Variants in GRID2 observed in about 807,000 individuals in gnomAD.
GRID2 encodes glutamate receptor ionotropic, delta-2.
GRID2 carries 33 observed loss-of-function variants against 114.8 expected under a neutral mutation model. The observed-to-expected ratio is 0.29, with a 90% confidence interval of 0.22 to 0.38. GRID2 has a LOEUF of 0.38. GRID2 is among the 10% of genes least tolerant of loss of function. The probability of loss-of-function intolerance (pLI) is 1.00; values close to 1 mark genes in which losing one functional copy is unlikely to be tolerated. For synonymous variants in GRID2, 505 were observed against 449.9 expected (o/e 1.12, Z -1.55); for missense variants, 1,184 against 1,257.7 (o/e 0.94, Z 0.89).
chr4:93,533,914 C>T (rs1029838212), intron 13 of GRID2, among the ~76,000 whole-genome samples: 1 of 152,058 alleles, frequency 6.6e-6, no homozygotes, highest in East Asian at 1.9e-4. Context: ...CCATTCAAGG[C>T]CAAAAACTCT....
chr4:93,773,364 G>C lies in GRID2; in HGVS notation c.*866G>C, dbSNP rs1284360451. 2 of 152,040 alleles carry C rather than the reference G, an allele frequency of 1.3e-5. No individual in the cohort carries two copies. The highest frequency in any genetic ancestry group is 2.4e-5 in the African/African-American group (1 of 41,424). The allele number at this position is 152,040 out of a possible 1,614,324, so 9.4% of individuals were successfully genotyped here. A position where few individuals can be genotyped will look rare whatever the true frequency, so the allele number is the denominator to read the frequency against. Reference sequence around the variant, plus strand: ...ATGTATAGTGCAGGGGTTCTTTTCAGTTAGAAAAGGCAGGTTGCTTTAATG... The same window carrying C: ...ATGTATAGTGCAGGGGTTCTTTTCACTTAGAAAAGGCAGGTTGCTTTAATG... On this transcript the variant is annotated 3_prime_UTR_variant, in exon 16 of 16. Coordinates refer to ENST00000282020, the MANE Select transcript of GRID2 (RefSeq NM_001510.4).
At chr4:93,314,213 G>A (rs1054460777) in intron 8 of GRID2, among the ~76,000 whole-genome samples, 1 of 146,146 alleles carries the variant, frequency 6.8e-6, no homozygotes, top group Non-Finnish European at 1.5e-5. Flanking sequence ...GCTGAGGCAG[G>A]ATAATTGCTA....
At chr4:93,115,634 G>A (rs893611840) in intron 4 of GRID2, among the ~76,000 whole-genome samples, 1 of 152,016 alleles carries the variant, frequency 6.6e-6, no homozygotes, top group Non-Finnish European at 1.5e-5. Flanking sequence ...AATTTATAAA[G>A]AAAAAGAGGT....
intron 2 of GRID2, among the ~76,000 whole-genome samples, chr4:92,596,866 G>T (rs1004444544): frequency 6.6e-6 from 1 of 151,944 alleles, no homozygotes; most frequent in Non-Finnish European, 1.5e-5. Context: ...TACAATGGGA[G>T]ATAACCAAAA....
chr4:93,606,439 A>G (rs971478297), intron 13 of GRID2, among the ~76,000 whole-genome samples: 1 of 152,220 alleles, frequency 6.6e-6, no homozygotes, highest in Non-Finnish European at 1.5e-5. Context: ...GGTGAGCCCA[A>G]CTAGAGATAA....
chr4:93,794,230 A>T (rs1172788552), intron 1 of GRID2, among the ~76,000 whole-genome samples: 1 of 152,200 alleles, frequency 6.6e-6, no homozygotes, highest in Admixed American at 6.5e-5. Context: ...GTGGAGTTTT[A>T]TTTCCAGGGA....
Position 93,315,718 on chromosome 4 carries a change from T to G in GRID2, c.1245+77228T>G, listed in dbSNP as rs116746627. 5.0e-3 allele frequency among the ~76,000 whole-genome samples: 762 copies of G among 152,234 alleles called. 1 individual carries two copies. The highest frequency in any genetic ancestry group is 8.3e-3 in the Non-Finnish European group (564 of 67,988). ...GGAATGAATGAATTAATGAAAACTA[T>G]GAACTATCTTTTTATCTCATTACCC... On this transcript the variant is annotated intron_variant, in intron 8 of 15. Transcript: ENST00000282020.
chr4:93,236,251 A>G (rs1310303233), intron 7 of GRID2, among the ~76,000 whole-genome samples: 1 of 152,060 alleles, frequency 6.6e-6, no homozygotes, highest in East Asian at 1.9e-4. Flanking sequence ...ACATACCGGA[A>G]TAGATTGGCA....
intron 8 of GRID2, among the ~76,000 whole-genome samples, chr4:93,379,237 A>G (rs1436111339): frequency 6.6e-6 from 1 of 152,126 alleles, no homozygotes; most frequent in Non-Finnish European, 1.5e-5. Context: ...GCTATTATCA[A>G]TAAGACAAGT....
chr4:93,538,668 A>C (rs1279511302), intron 13 of GRID2, among the ~76,000 whole-genome samples: 1 of 151,718 alleles, frequency 6.6e-6, no homozygotes, highest in Non-Finnish European at 1.5e-5. Context: ...GTATTCTTTC[A>C]AAAAAATTCA....
At chr4:93,259,635 A>G (rs1311328397) in intron 8 of GRID2, among the ~76,000 whole-genome samples, 2 of 151,822 alleles carry the variant, frequency 1.3e-5, no homozygotes, top group Admixed American at 1.3e-4. Flanking sequence ...AAAGCCTTTG[A>G]CTATTCAGTT....
intron 2 of GRID2, among the ~76,000 whole-genome samples, chr4:92,964,164 G>T (rs557765823): frequency 6.6e-6 from 1 of 151,952 alleles, no homozygotes; most frequent in Non-Finnish European, 1.5e-5. Context: ...AAAAGTAAAT[G>T]AGCATTGGCT....
intron 14 of GRID2, among the ~76,000 whole-genome samples, chr4:93,695,673 T>C (rs1560915956): frequency 2.0e-5 from 3 of 152,288 alleles, no homozygotes; most frequent in Non-Finnish European, 2.9e-5. Flanking sequence ...ATATTAGTCC[T>C]TCAACAGACA....
At chr4:92,362,326 T>C (rs1314369839) in intron 1 of GRID2, among the ~76,000 whole-genome samples, 1 of 151,642 alleles carries the variant, frequency 6.6e-6, no homozygotes, top group East Asian at 1.9e-4. Context: ...AAGTGGGTGA[T>C]CAAAGTGGGA....
chr4:93,582,730 G>A (rs978214988), intron 13 of GRID2, among the ~76,000 whole-genome samples: 7 of 151,754 alleles, frequency 4.6e-5, no homozygotes. Flanking sequence ...AATAAAATAA[G>A]GAGAAAAAAG....
chr4:92,465,388 A>G (rs1210399596), intron 1 of GRID2, among the ~76,000 whole-genome samples: 1 of 152,144 alleles, frequency 6.6e-6, no homozygotes, highest in Non-Finnish European at 1.5e-5. Context: ...GCTTACATAT[A>G]TGACAAAACT....
intron 13 of GRID2, among the ~76,000 whole-genome samples, chr4:93,554,958 C>T (rs1734163217): frequency 6.6e-6 from 1 of 152,132 alleles, no homozygotes; most frequent in South Asian, 2.1e-4. Flanking sequence ...GTACAGAGTG[C>T]AAGCTGAAGC....
chr4:93,577,071 ATG>A (rs1736495693), intron 13 of GRID2, among the ~76,000 whole-genome samples: 1 of 152,170 alleles, frequency 6.6e-6, no homozygotes, highest in African/African-American at 2.4e-5. Context: ...TTCCCCAAAA[ATG>A]TGTGTTTTTT....
intron 8 of GRID2, among the ~76,000 whole-genome samples, chr4:93,282,902 G>A (rs1273808698): frequency 6.6e-6 from 1 of 151,904 alleles, no homozygotes; most frequent in Non-Finnish European, 1.5e-5. Context: ...AGAGTTGAGA[G>A]TGGAGGTGCC....
Sources: allele counts gnomAD v4.1 joint callset (sites outside exome capture counted in the v4.1 genomes callset), GRCh38; gene constraint gnomAD v4.1.1; transcripts MANE v1.5; gene names NCBI Gene and HGNC (gene_info 2026-07-23, HGNC 2026-07-21).